DPF3: variants seen among roughly 807,000 people sequenced by gnomAD.
The protein encoded by DPF3 is zinc finger protein DPF3.
Under a neutral mutation model 56.8 loss-of-function variants are expected in DPF3, and 18 were observed. The ratio of observed to expected loss-of-function variants is 0.32; its 90% confidence interval spans 0.22 to 0.47. The LOEUF is 0.47. DPF3 is among the 20% of genes least tolerant of loss of function. The probability of loss-of-function intolerance (pLI) is 1.00; values close to 1 mark genes in which losing one functional copy is unlikely to be tolerated. For missense variants in DPF3, 403 were observed against 488.8 expected, an observed-to-expected ratio of 0.82 and a Z score of 1.65; for synonymous variants, 188 against 180.2, an observed-to-expected ratio of 1.04 and a Z score of -0.35.
chr14:72,692,152 T>A (rs1265481401), intron 7 of DPF3, among the ~76,000 whole-genome samples: 1 of 152,208 alleles, frequency 6.6e-6, no homozygotes, highest in Non-Finnish European at 1.5e-5. Flanking sequence ...AGTCTGAATA[T>A]TTTAAACGTC....
At chr14:72,633,259 G>T (rs867355263) in intron 8 of DPF3, among the ~76,000 whole-genome samples, 1 of 152,180 alleles carries the variant, frequency 6.6e-6, no homozygotes, top group South Asian at 2.1e-4. Context: ...TGGTGGAAAT[G>T]TTGAGTGGAT....
intron 3 of DPF3, among the ~76,000 whole-genome samples, chr14:72,749,015 C>G (rs757102067): frequency 6.6e-6 from 1 of 152,208 alleles, no homozygotes; most frequent in African/African-American, 2.4e-5. Context: ...CACCACCTAG[C>G]GGAGCTGTGA....
intron 2 of DPF3, among the ~76,000 whole-genome samples, chr14:72,756,869 A>AAAGAAAGGAAGGAAGGAAGG (rs1555503988): frequency 2.1e-5 from 2 of 95,596 alleles, no homozygotes; most frequent in African/African-American, 8.6e-5. Context: ...AGAAAGAAAG[A>AAAGAAAGGAAGGAAGGAAGG]AAGGAAGGAA....
intron 1 of DPF3, among the ~76,000 whole-genome samples, chr14:72,852,489 G>A (rs1885021949): frequency 6.6e-6 from 1 of 152,236 alleles, no homozygotes; most frequent in Non-Finnish European, 1.5e-5. Flanking sequence ...TGGGATCGGT[G>A]TGTGTAAACA....
In DPF3 at chr14:72,723,739, A is replaced by G; in HGVS notation, c.430-11T>C. The G allele has an allele frequency of 6.4e-7, 1 of 1,573,240 alleles. No homozygotes were observed. Among genetic ancestry groups the G allele is most frequent in the Non-Finnish European group, 8.6e-7 (1 of 1,167,584 alleles). On this transcript the variant is annotated splice_polypyrimidine_tract_variant and intron_variant, in intron 4 of 10. Transcript: ENST00000556509. Reference sequence around the variant, plus strand: ...ATTTTCCAAAACCCTCTGAAATGAAAAAAAAAAATAGAAAAGGTGAGAAAC... The same window carrying G: ...ATTTTCCAAAACCCTCTGAAATGAAGAAAAAAAATAGAAAAGGTGAGAAAC...
chr14:72,718,771 A>ATTTCTTTTTTTTT (rs1889042056), intron 5 of DPF3, among the ~76,000 whole-genome samples: 1 of 93,896 alleles, frequency 1.1e-5, no homozygotes, highest in Non-Finnish European at 1.9e-5. Flanking sequence ...CACCCTTGCT[A>ATTTCTTTTTTTTT]TTTTTTTTTT....
chr14:72,694,917 C>T (rs1381029170), intron 6 of DPF3, among the ~76,000 whole-genome samples: 3 of 152,156 alleles, frequency 2.0e-5, no homozygotes, highest in South Asian at 2.1e-4. Flanking sequence ...AGGTAAATTA[C>T]GTTGATTTCC....
intron 9 of DPF3, among the ~76,000 whole-genome samples, chr14:72,627,071 C>T (rs956038987): frequency 3.9e-5 from 6 of 151,984 alleles, no homozygotes; most frequent in African/African-American, 1.4e-4. Flanking sequence ...AGCCCTTAAA[C>T]TGTGGTACAT....
At chr14:72,703,344 C>G (rs1006930997) in intron 6 of DPF3, among the ~76,000 whole-genome samples, 2 of 152,110 alleles carry the variant, frequency 1.3e-5, no homozygotes, top group African/African-American at 4.8e-5. Flanking sequence ...CTGGTGGTGA[C>G]CCAGGATCTA....
At chr14:72,706,954 C>G (rs547099438) in intron 6 of DPF3, among the ~76,000 whole-genome samples, 1 of 152,194 alleles carries the variant, frequency 6.6e-6, no homozygotes, top group African/African-American at 2.4e-5. Flanking sequence ...TTAGGTATAT[C>G]TCCTAAAGCT....
intron 5 of DPF3, among the ~76,000 whole-genome samples, chr14:72,720,635 A>C (rs1425163109): frequency 6.6e-6 from 1 of 152,194 alleles, no homozygotes; most frequent in Non-Finnish European, 1.5e-5. Context: ...TCCATCATTC[A>C]ATCATTCATT....
At chr14:72,737,169 C>T (rs1310499344) in intron 3 of DPF3, among the ~76,000 whole-genome samples, 3 of 145,334 alleles carry the variant, frequency 2.1e-5, no homozygotes, top group African/African-American at 7.6e-5. Flanking sequence ...TAAAAACAAC[C>T]AAAAAAAGCA....
At chr14:72,760,836 A>G (rs1373234088) in intron 2 of DPF3, among the ~76,000 whole-genome samples, 1 of 152,136 alleles carries the variant, frequency 6.6e-6, no homozygotes, top group Non-Finnish European at 1.5e-5. Flanking sequence ...CTATTAAAAA[A>G]CTACTTTTAA....
intron 8 of DPF3, among the ~76,000 whole-genome samples, chr14:72,632,826 G>A (rs1299322620): frequency 1.6e-5 from 2 of 125,272 alleles, no homozygotes; most frequent in African/African-American, 6.0e-5. Flanking sequence ...GGAGGGGAAG[G>A]GGAGGGGAAA....
chr14:72,771,961 C>A, intron 1 of DPF3, 68 bp from the exon 2 acceptor site: 2 of 1,385,736 alleles, frequency 1.4e-6, no homozygotes, highest in Middle Eastern at 1.9e-4. Context: ...GGAAACACAC[C>A]CAGAGGGAAA....
intron 9 of DPF3, among the ~76,000 whole-genome samples, chr14:72,621,649 T>G (rs1227933447): frequency 6.6e-6 from 1 of 152,034 alleles, no homozygotes; most frequent in African/African-American, 2.4e-5. Flanking sequence ...AGATACCCAG[T>G]GGGGGAGAGG....
intron 1 of DPF3, among the ~76,000 whole-genome samples, chr14:72,822,926 C>T (rs1310302982): frequency 6.6e-6 from 1 of 152,206 alleles, no homozygotes; most frequent in Non-Finnish European, 1.5e-5. Context: ...ACTTTTTGAG[C>T]ATCAACATGA....
intron 3 of DPF3, among the ~76,000 whole-genome samples, chr14:72,752,963 T>A (rs1391726616): frequency 1.3e-5 from 2 of 152,158 alleles, no homozygotes; most frequent in African/African-American, 4.8e-5. Flanking sequence ...GAGCTGCACA[T>A]CCTTCAGTTC....
intron 9 of DPF3, among the ~76,000 whole-genome samples, chr14:72,623,051 G>A (rs1884560867): frequency 1.3e-5 from 2 of 152,172 alleles, no homozygotes; most frequent in Non-Finnish European, 2.9e-5. Flanking sequence ...GATATTCAGA[G>A]AAAACAAGCA....
Sources: allele counts gnomAD v4.1 joint callset (sites outside exome capture counted in the v4.1 genomes callset), GRCh38; gene constraint gnomAD v4.1.1; transcripts MANE v1.5; gene names NCBI Gene and HGNC (gene_info 2026-07-23, HGNC 2026-07-21).